ZNF558: variants seen among roughly 807,000 people sequenced by gnomAD.
ZNF558 encodes the protein zinc finger protein 558.
ZNF558 carries 23 observed loss-of-function variants against 37.6 expected under a neutral mutation model. The observed-to-expected ratio is 0.61, with a 90% CI of 0.44 to 0.87. The LOEUF is 0.87. ZNF558 is among the 40% of genes least tolerant of loss of function. The pLI is 0.00. For missense variants in ZNF558, 429 were observed against 483.7 expected (o/e 0.89, Z 1.06); for synonymous variants, 189 against 174.4 (o/e 1.08, Z -0.66).
In ZNF558 at chr19:8,822,330, A is replaced by C. The variant is rs932074578; in HGVS notation, c.32-239T>G. On this transcript the variant is annotated intron_variant, in intron 5 of 9. Transcript: ENST00000601372. This position sits in a 1 kb window ranked among gnomAD's most constrained non-coding sequence, Gnocchi z 4.4. The stretch of plus-strand genomic sequence containing the variant: ...TGCACTTGGGGAAGGGATTATTCCC[A>C]CTTCACAGATGAGGAAACAAGTTCC... Among the ~76,000 whole-genome samples, 3 of 152,198 alleles carry C rather than the reference A, an allele frequency of 2.0e-5. No homozygotes were observed. The highest frequency in any genetic ancestry group is 7.2e-5 in the African/African-American group (3 of 41,452).
chr19:8,827,722 C>T (rs544271882), intron 2 of ZNF558, among the ~76,000 whole-genome samples: 14 of 152,076 alleles, frequency 9.2e-5, no homozygotes, highest in Non-Finnish European at 1.3e-4. Context: ...TACAGGTGTG[C>T]ACCACCACAC....
intron 7 of ZNF558, among the ~76,000 whole-genome samples, chr19:8,816,317 C>G (rs1311555595): frequency 1.3e-5 from 2 of 152,212 alleles, no homozygotes; most frequent in Admixed American, 1.3e-4. Context: ...TCTGCCTCAG[C>G]CTCCCAAAGT....
chr19:8,837,712 C>T, the ZNF558 span, among the ~76,000 whole-genome samples: 61 of 152,286 alleles, frequency 4.0e-4, no homozygotes, highest in Non-Finnish European at 7.4e-4. Flanking sequence ...TCTGAGGATA[C>T]TTTATACTCT....
chr19:8,823,700 A>T (rs2044162565), intron 4 of ZNF558: 1 of 140,196 alleles, frequency 7.1e-6, no homozygotes, highest in Non-Finnish European at 1.5e-5. Context: ...CCCAGCTTGG[A>T]TGTCACTGTC....
At position 8,810,547 on chromosome 19, in the gene ZNF558, TACAG is replaced by T. The variant is rs1555767370; in HGVS notation, c.*730_*733del. On this transcript the variant is annotated 3_prime_UTR_variant, in exon 10 of 10. Transcript: ENST00000601372. ...AGAATTCGAGCTGAGAGCTTTACCA[TACAG>T]ATTGTCCTCAAAAGGTTTCTCTTCA... 6.6e-6 allele frequency: 1 copy of T among 152,242 alleles called. No individual in the cohort carries two copies. Among genetic ancestry groups the T allele is most frequent in the East Asian group, 1.9e-4 (1 of 5,192 alleles). The allele number at this position is 152,242 out of a possible 1,614,324, so 9.4% of individuals were successfully genotyped here. A position where few individuals can be genotyped will look rare whatever the true frequency, so the allele number is the denominator to read the frequency against.
rs1009006061 is a variant in ZNF558 at position 8,821,493 on chromosome 19, T to C, written c.121-187A>G. Reference sequence around the variant, plus strand: ...AGGGTTCTGAGCTCCTCTCCTGGGGTTCTGAGCTCTTCTCCCTGGCTTCTG... The same window carrying C: ...AGGGTTCTGAGCTCCTCTCCTGGGGCTCTGAGCTCTTCTCCCTGGCTTCTG... On this transcript the variant is annotated intron_variant, in intron 6 of 9. Coordinates refer to ENST00000601372, the MANE Select transcript of ZNF558 (RefSeq NM_144693.3). 42 of 1,450,790 alleles carry C rather than the reference T, an allele frequency of 2.9e-5. No homozygotes were observed. In the African/African-American group the frequency reaches 6.0e-4, roughly 21 times the overall value. 89.9% of individuals were successfully genotyped at this position (1,450,790 alleles called of 1,614,324 possible).
chr19:8,821,541 T>A, intron 6 of ZNF558: 1 of 1,424,646 alleles, frequency 7.0e-7, no homozygotes, highest in Non-Finnish European at 9.1e-7. Flanking sequence ...AATGCTTGTC[T>A]CCTTAGGCCA....
chr19:8,821,784 A>G (rs1049126993), intron 6 of ZNF558: 8 of 1,382,398 alleles, frequency 5.8e-6, no homozygotes, highest in Non-Finnish European at 7.5e-6. Flanking sequence ...TCAGGAGCAC[A>G]TGATGTACTC....
the ZNF558 span, among the ~76,000 whole-genome samples, chr19:8,837,725 T>G: frequency 6.6e-6 from 1 of 152,222 alleles, no homozygotes; most frequent in African/African-American, 2.4e-5. Context: ...TATACTCTGA[T>G]AGTCACTTCC....
intron 7 of ZNF558, among the ~76,000 whole-genome samples, chr19:8,818,618 G>T (rs867188556): frequency 9.9e-5 from 15 of 152,070 alleles, no homozygotes; most frequent in Admixed American, 2.0e-4. Flanking sequence ...GAGGGATCTT[G>T]AACAGACAAG....
rs1555769033 is a variant in ZNF558, at chr19:8,813,201, C to A, written c.269G>T (p.Ser90Ile). 2 of 1,596,740 alleles carry A rather than the reference C, an allele frequency of 1.3e-6. No homozygotes were observed. The highest frequency in any genetic ancestry group is 1.7e-6 in the Non-Finnish European group (2 of 1,170,742). The change falls in exon 8 of 10, where the codon AGT becomes ATT. Residue 90 changes from serine (S) to isoleucine (I), a missense_variant. Coordinates refer to ENST00000601372, the MANE Select transcript of ZNF558 (RefSeq NM_144693.3). ...GTCTTGTTCCAACTGGGATATCAGA[C>A]TGGGTTTATTAACACGACACCCTAT... ...ASLGCRVNKP[S>I]LISQLEQDKK...
Position 8,826,590 on chromosome 19 carries a change from G to A in ZNF558, c.-508-1482C>T, listed in dbSNP as rs529531108. ...GGAGGTGGAGCTCAGGTGGTAATGC[G>A]AGCAATGAGGAGTGGCTGTAAATAC... On this transcript the variant is annotated intron_variant, in intron 2 of 9. Transcript: ENST00000601372. Among the ~76,000 whole-genome samples the A allele has an allele frequency of 5.9e-5, 9 of 152,172 alleles. No homozygotes were observed. The East Asian group carries it at 7.8e-4, about 13-fold the overall frequency.
intron 7 of ZNF558, among the ~76,000 whole-genome samples, chr19:8,816,595 C>A (rs747934265): frequency 2.6e-4 from 40 of 152,116 alleles, no homozygotes; most frequent in Non-Finnish European, 5.4e-4. Flanking sequence ...GAAATGAAGA[C>A]CTTCCCATAA....
intron 2 of ZNF558, among the ~76,000 whole-genome samples, chr19:8,826,736 T>C (rs1182369200): frequency 1.3e-5 from 2 of 152,194 alleles, no homozygotes; most frequent in South Asian, 2.1e-4. Context: ...TTCCAGCTTA[T>C]TGAGGATTTC....
rs2043786016 is a variant in ZNF558, at chr19:8,811,409, A to T, written c.1081T>A (p.Ser361Thr). The change falls in exon 10 of 10, where the codon TCA (serine) becomes ACA (threonine). Residue 361 changes from serine (S) to threonine (T), a missense_variant. Transcript: ENST00000601372. ...SDCGKAFNNL[S>T]AVKKHLRTHT... ...GTTCTTAAGTGTTTCTTCACAGCTG[A>T]GAGATTATTAAAGGCTTTTCCACAG... 6.2e-7 allele frequency: 1 copy of T among 1,614,010 alleles called. No individual in the cohort carries two copies. Among genetic ancestry groups the T allele is most frequent in the African/African-American group, 1.3e-5 (1 of 74,914 alleles).
At chr19:8,835,851 G>C (rs1235841571), upstream of ZNF558, among the ~76,000 whole-genome samples, 1 of 152,128 alleles carries the variant, frequency 6.6e-6, no homozygotes, top group Non-Finnish European at 1.5e-5. Flanking sequence ...CCATTAAACA[G>C]AATACATATT....
chr19:8,829,099 T>A (rs890304948), intron 2 of ZNF558, among the ~76,000 whole-genome samples: 8 of 151,760 alleles, frequency 5.3e-5, no homozygotes, highest in African/African-American at 1.9e-4. Context: ...CCGTCTCTAC[T>A]GAAAATACAA....
chr19:8,821,628 C>A, intron 6 of ZNF558: 1 of 1,326,298 alleles, frequency 7.5e-7, no homozygotes, highest in Non-Finnish European at 9.6e-7. Context: ...GATCTTATTT[C>A]CCTCAATCTC....
Position 8,809,970 on chromosome 19 carries a change from C to T in ZNF558, c.*1311G>A, listed in dbSNP as rs1555767155. The T allele has an allele frequency of 6.6e-6, 1 of 152,098 alleles. No homozygotes were observed. Among genetic ancestry groups the T allele is most frequent in the Non-Finnish European group, 1.5e-5 (1 of 68,018 alleles). 9.4% of individuals were successfully genotyped at this position (152,098 alleles called of 1,614,324 possible). A position where few individuals can be genotyped will look rare whatever the true frequency, so the allele number is the denominator to read the frequency against. The stretch of plus-strand genomic sequence containing the variant: ...TTCTCCATATAAGTTCTCTCATATA[C>T]AAGAAAGAGAAGAATCACTGAAAAA... On this transcript the variant is annotated 3_prime_UTR_variant, in exon 10 of 10. Coordinates refer to ENST00000601372, the MANE Select transcript of ZNF558 (RefSeq NM_144693.3).
Sources: allele counts gnomAD v4.1 joint callset (sites outside exome capture counted in the v4.1 genomes callset), GRCh38; gene constraint gnomAD v4.1.1; non-coding constraint Gnocchi (gnomAD v3.1); transcripts MANE v1.5; gene names NCBI Gene and HGNC (gene_info 2026-07-23, HGNC 2026-07-21).